CEP152: variants seen among roughly 807,000 people sequenced by gnomAD.
CEP152 encodes centrosomal protein 152, also known as centrosomal protein of 152 kDa.
A neutral mutation model predicts 188.9 loss-of-function variants in CEP152; 132 were observed. The ratio of observed to expected loss-of-function variants is 0.70; its 90% CI spans 0.61 to 0.81. CEP152 has a LOEUF of 0.81. CEP152 is among the 30% of genes least tolerant of loss of function. CEP152 has a pLI of 0.00. For synonymous variants in CEP152, 649 were observed against 666.6 expected (o/e 0.97, Z 0.41); for missense variants, 1,914 against 1,969.8 (o/e 0.97, Z 0.54).
At position 48,748,614 on chromosome 15, in the gene CEP152, C is replaced by T; in HGVS notation, c.3467-4G>A. 7.0e-7 allele frequency: 1 copy of T among 1,426,668 alleles called. No individual in the cohort carries two copies. The highest frequency in any genetic ancestry group is 9.1e-7 in the Non-Finnish European group (1 of 1,094,302). The allele number at this position is 1,426,668 out of a possible 1,614,324, so 88.4% of individuals were successfully genotyped here. On this transcript the variant is annotated splice_region_variant and splice_polypyrimidine_tract_variant and intron_variant, in intron 21 of 26. Coordinates refer to ENST00000380950, the MANE Select transcript of CEP152 (RefSeq NM_001194998.2). ...ATTTCAAGGACCTTTTTCTTATCTG[C>T]AAAAATTAAATGACAGAAAACTTTT...
Position 48,811,030 on chromosome 15 carries a change from C to T in CEP152, c.-77G>A, listed in dbSNP as rs141463032. 2 of 152,412 alleles carry T rather than the reference C, an allele frequency of 1.3e-5. No individual in the cohort carries two copies. Among genetic ancestry groups the T allele is most frequent in the East Asian group, 1.9e-4 (1 of 5,188 alleles). The allele number at this position is 152,412 out of a possible 1,614,324, so 9.4% of individuals were successfully genotyped here. ...CGGAAGACCAACTTCTAGCAGATCC[C>T]CTTACCCTGGCTCTAGTCCACTAGC... On this transcript the variant is annotated 5_prime_UTR_variant, in exon 1 of 27. Transcript: ENST00000380950.
chr15:48,764,685 G>A (rs1458519421), intron 17 of CEP152, among the ~76,000 whole-genome samples: 1 of 152,072 alleles, frequency 6.6e-6, no homozygotes, highest in Non-Finnish European at 1.5e-5. Context: ...TTCTCTCAAT[G>A]AGCCAGGTTA....
At chr15:48,792,589 G>C (rs1310379946) in intron 7 of CEP152, among the ~76,000 whole-genome samples, 1 of 152,070 alleles carries the variant, frequency 6.6e-6, no homozygotes, top group African/African-American at 2.4e-5. Flanking sequence ...CTCTTATTTG[G>C]ATTAAAACGT....
intron 2 of CEP152, among the ~76,000 whole-genome samples, chr15:48,798,433 G>A (rs902495939): frequency 6.6e-6 from 1 of 152,082 alleles, no homozygotes; most frequent in Non-Finnish European, 1.5e-5. Context: ...CAGACCTTGG[G>A]GAATTGACAA....
At position 48,760,227 on chromosome 15, in the gene CEP152, C is replaced by G. The variant is rs759515173; in HGVS notation, c.2602G>C (p.Gly868Arg). 2 of 1,614,046 alleles carry G rather than the reference C, an allele frequency of 1.2e-6. No homozygotes were observed. The highest frequency in any genetic ancestry group is 1.1e-5 in the South Asian group (1 of 91,076). The change falls in exon 19 of 27, where the codon GGA becomes CGA. Residue 868 changes from glycine (G) to arginine (R), a missense_variant. Transcript: ENST00000380950. Reference sequence around the variant, plus strand: ...TACTCTGCCAGCTCTGGTAGTTCTCCCAGCCATCGCTGATGAGCATTTTGC... The same window carrying G: ...TACTCTGCCAGCTCTGGTAGTTCTCGCAGCCATCGCTGATGAGCATTTTGC... ...AVQNAHQRWL[G>R]ELPELAEYQA...
chr15:48,770,024 T>C (rs550401705), intron 13 of CEP152, among the ~76,000 whole-genome samples: 19 of 152,386 alleles, frequency 1.2e-4, no homozygotes, highest in African/African-American at 4.6e-4. Flanking sequence ...ATACCTTCAT[T>C]GTTCATTTGT....
chr15:48,739,228 T>C lies in CEP152; in HGVS notation c.4154A>G (p.Asn1385Ser). Residue 1385 changes from asparagine to serine, a missense_variant, in exon 27 of 27, where the codon AAT (asparagine) becomes AGT (serine). Transcript: ENST00000380950. Reference sequence around the variant, plus strand: ...TTCAATACAACATGGTATTTTCTGATTCACATCATTTCTTTTTGATTTTTT... The same window carrying C: ...TTCAATACAACATGGTATTTTCTGACTCACATCATTTCTTTTTGATTTTTT... The part of the protein sequence containing the change: ...AVKKSKRNDV[N>S]QKIPCCIESK... The C allele has an allele frequency of 6.2e-7, 1 of 1,613,536 alleles. No homozygotes were observed. Among genetic ancestry groups the C allele is most frequent in the East Asian group, 2.2e-5 (1 of 44,886 alleles).
intron 1 of CEP152, 149 bp downstream of exon 1, chr15:48,810,812 A>C (rs1229033870): frequency 6.6e-6 from 1 of 152,306 alleles, no homozygotes; most frequent in Non-Finnish European, 1.5e-5. Context: ...GTTAAGGTAA[A>C]AGCTGAGCCC....
Position 48,742,014 on chromosome 15 carries a change from C to A in CEP152, c.3922G>T (p.Ala1308Ser), listed in dbSNP as rs556909247. The change falls in exon 25 of 27, where the codon GCC (alanine) becomes TCC (serine). Residue 1308 changes from alanine to serine, a missense_variant. Physicochemically the swap from Ala to Ser is moderately conservative, Grantham distance 99. Transcript: ENST00000380950. The part of the protein sequence containing the change: ...AEVLRERQET[A>S]RKMRKYYLIC... Reference sequence around the variant, plus strand: ...AAATAATATTTGCGCATCTTTCGGGCGGTTTCTTGACGTTCTCGCAGTACC... The same window carrying A: ...AAATAATATTTGCGCATCTTTCGGGAGGTTTCTTGACGTTCTCGCAGTACC... 5 of 1,614,130 alleles carry A rather than the reference C, an allele frequency of 3.1e-6. No individual in the cohort carries two copies. In the East Asian group the frequency reaches 1.1e-4, roughly 36 times the overall value.
At position 48,798,918 on chromosome 15, in the gene CEP152, T is replaced by C. The variant is rs557306570; in HGVS notation, c.88-867A>G. 2.5e-4 allele frequency among the ~76,000 whole-genome samples: 24 copies of C among 96,042 alleles called. 1 individual carries two copies. In the South Asian group the frequency reaches 7.9e-3, roughly 32 times the overall value. The allele number at this position is 96,042 out of a possible 152,430, so 63.0% of individuals were successfully genotyped here. Reference sequence around the variant, plus strand: ...TATTGTCTTTCTTCAAAACCCAATATAATAATATTACCCTAAAAATCCCAA... The same window carrying C: ...TATTGTCTTTCTTCAAAACCCAATACAATAATATTACCCTAAAAATCCCAA... On this transcript the variant is annotated intron_variant, in intron 2 of 26. Transcript: ENST00000380950.
Position 48,762,485 on chromosome 15 carries a change from T to A in CEP152, c.2468A>T (p.Asn823Ile), listed in dbSNP as rs779936893. The part of the protein sequence containing the change: ...IEEQKCTIQQ[N>I]LEQEKDIAIK... ...GGCTATGTCCTTCTCTTGTTCTAAG[T>A]TTTGCTGGATTGTGCACTTCTGCTC... Residue 823 changes from asparagine (N) to isoleucine (I), a missense_variant, in exon 18 of 27, where the codon AAC becomes ATC. Physicochemically the swap from Asn to Ile is moderately radical, Grantham distance 149. Coordinates refer to ENST00000380950, the MANE Select transcript of CEP152 (RefSeq NM_001194998.2). The A allele has an allele frequency of 6.2e-7, 1 of 1,614,084 alleles. No individual in the cohort carries two copies. The highest frequency in any genetic ancestry group is 1.1e-5 in the South Asian group (1 of 91,072).
At chr15:48,737,554 C>T (rs78568241), downstream of CEP152, among the ~76,000 whole-genome samples, 562 of 152,062 alleles carry the variant, frequency 3.7e-3, 3 homozygotes, top group African/African-American at 0.013. Flanking sequence ...TTCAAAAGGT[C>T]GTATTTCAGA....
At chr15:48,800,019 CA>C (rs558302655) in intron 2 of CEP152, among the ~76,000 whole-genome samples, 1 of 152,138 alleles carries the variant, frequency 6.6e-6, no homozygotes, top group Non-Finnish European at 1.5e-5. Flanking sequence ...CCTTAAAATT[CA>C]GGGGCGCCTT....
At chr15:48,795,860 T>C (rs1897255287) in intron 6 of CEP152, 150 bp downstream of exon 6, 2 of 701,898 alleles carry the variant, frequency 2.8e-6, no homozygotes, top group Admixed American at 5.2e-5. Context: ...AGTATATATC[T>C]CTAAAAATAA....
chr15:48,741,531 C>A (rs1892970033), intron 26 of CEP152, 70 bp downstream of exon 26: 2 of 1,611,682 alleles, frequency 1.2e-6, no homozygotes, highest in African/African-American at 1.3e-5. Context: ...CTGCCTTCTT[C>A]ATACTGAAAA....
At position 48,756,469 on chromosome 15, in the gene CEP152, A is replaced by G. The variant is rs1894281272; in HGVS notation, c.2779T>C (p.Leu927=). The change falls in exon 20 of 27, where the codon TTG becomes CTG. Residue 927 remains leucine (L), a synonymous_variant. Transcript: ENST00000380950. ...TGAAGAGAATGAATCTTCTCTTCCA[A>G]TTCCTTTCCAGGAAGTATATTTTTC... is the stretch of plus-strand genomic sequence containing the variant. The part of the protein sequence containing the change: ...MRKNILPGKE[L]EEKIHSLQKE... 1 of 1,613,438 alleles carries G rather than the reference A, an allele frequency of 6.2e-7. No individual in the cohort carries two copies.
intron 12 of CEP152, among the ~76,000 whole-genome samples, chr15:48,775,724 T>A (rs73400373): frequency 0.037 from 5,669 of 152,146 alleles, 360 homozygotes; most frequent in East Asian, 0.15. Context: ...AGATTAGTTG[T>A]CTGGAGCTGT....
chr15:48,742,073 C>T lies in CEP152; in HGVS notation c.3863G>A (p.Ser1288Asn). Residue 1288 changes from serine (S) to asparagine (N), a missense_variant, in exon 25 of 27, where the codon AGT becomes AAT. By Grantham distance (46) the Ser-to-Asn change is conservative. Coordinates refer to ENST00000380950, the MANE Select transcript of CEP152 (RefSeq NM_001194998.2). ...KCDMLRYIQE[S>N]KERAAEMVKA... ...TACCATTTCTGCAGCTCGTTCCTTACTCTCCTGAATATAACGAAGCATGTC... is the reference window on the plus strand; with the variant it reads ...TACCATTTCTGCAGCTCGTTCCTTATTCTCCTGAATATAACGAAGCATGTC... The T allele has an allele frequency of 6.2e-7, 1 of 1,614,128 alleles. No homozygotes were observed. Among genetic ancestry groups the T allele is most frequent in the Non-Finnish European group, 8.5e-7 (1 of 1,179,996 alleles).
chr15:48,778,834 G>A (rs1195725531), intron 12 of CEP152, among the ~76,000 whole-genome samples: 4 of 151,696 alleles, frequency 2.6e-5, no homozygotes, highest in East Asian at 1.9e-4. Context: ...CTGTATTCCC[G>A]GCTACTCAGG....
Sources: allele counts gnomAD v4.1 joint callset (sites outside exome capture counted in the v4.1 genomes callset), GRCh38; gene constraint gnomAD v4.1.1; transcripts MANE v1.5; gene names NCBI Gene and HGNC (gene_info 2026-07-23, HGNC 2026-07-21).